Variants in PDZRN3 observed in about 807,000 individuals in gnomAD.
The protein encoded by PDZRN3 is E3 ubiquitin-protein ligase PDZRN3.
In PDZRN3, 38 loss-of-function variants were observed where a neutral mutation model predicts 85.7. That is an observed-to-expected ratio of 0.44 (90% CI 0.34 to 0.58). The LOEUF (loss-of-function observed/expected upper bound fraction) is 0.58, where lower values mean the gene tolerates loss of function less well. PDZRN3 is among the 20% of genes least tolerant of loss of function. PDZRN3 has a pLI of 0.01. For synonymous variants in PDZRN3, 759 were observed against 638.0 expected (o/e 1.19, Z -2.86); for missense variants, 1,629 against 1,506.4 (o/e 1.08, Z -1.35).
At position 73,387,534 on chromosome 3, in the gene PDZRN3, ATATCAGTT is replaced by A. The variant is rs564745286; in HGVS notation, c.1518+426_1518+433del. Reference sequence around the variant, plus strand: ...AGGGCCTAGCACTTATTCGGTGGTCATATCAGTTTTAATTATTTATCATTCAATGTTTC... The same window carrying A: ...AGGGCCTAGCACTTATTCGGTGGTCATTAATTATTTATCATTCAATGTTTC... On this transcript the variant is annotated intron_variant, in intron 8 of 9. Coordinates refer to ENST00000263666, the MANE Select transcript of PDZRN3 (RefSeq NM_015009.3). Among the ~76,000 whole-genome samples the A allele has an allele frequency of 1.0e-3, 155 of 152,312 alleles. 2 individuals are homozygous for A. The highest frequency in any genetic ancestry group is 3.4e-3 in the African/African-American group (143 of 41,576).
At chr3:73,444,457 C>A (rs1195550423) in intron 3 of PDZRN3, among the ~76,000 whole-genome samples, 1 of 152,154 alleles carries the variant, frequency 6.6e-6, no homozygotes, top group African/African-American at 2.4e-5. Context: ...AGGAAAGCAA[C>A]AAGTTCTTGA....
At chr3:73,484,344 G>A (rs1291803658) in intron 3 of PDZRN3, among the ~76,000 whole-genome samples, 2 of 152,184 alleles carry the variant, frequency 1.3e-5, no homozygotes, top group Non-Finnish European at 2.9e-5. Flanking sequence ...GGTGATTTGG[G>A]AGTTGCCAAA....
At chr3:73,608,982 T>A (rs1702644111) in intron 1 of PDZRN3, among the ~76,000 whole-genome samples, 1 of 152,158 alleles carries the variant, frequency 6.6e-6, no homozygotes, top group Non-Finnish European at 1.5e-5. Context: ...GGTCTGCAAA[T>A]GCATCTTTCT....
At chr3:73,440,176 C>G (rs1702607286) in intron 3 of PDZRN3, among the ~76,000 whole-genome samples, 1 of 152,068 alleles carries the variant, frequency 6.6e-6, no homozygotes, top group South Asian at 2.1e-4. Flanking sequence ...CTCACTGTTT[C>G]ACTTGAAGTA....
Position 73,383,987 on chromosome 3 carries a change from A to T in PDZRN3, c.2579T>A (p.Leu860Gln), listed in dbSNP as rs1703333186. 2 of 1,591,142 alleles carry T rather than the reference A, an allele frequency of 1.3e-6. No individual in the cohort carries two copies. Among genetic ancestry groups the T allele is most frequent in the Non-Finnish European group, 8.5e-7 (1 of 1,170,598 alleles). Residue 860 changes from leucine (L) to glutamine (Q), a missense_variant, in exon 10 of 10, where the codon CTG becomes CAG. Coordinates refer to ENST00000263666, the MANE Select transcript of PDZRN3 (RefSeq NM_015009.3). ...GTATGGGGAGTGGTGATAGGAGGGC[A>T]GGTAGGCGCTGCCCAGCTTCTGGCT... ...TPSQKLGSAY[L>Q]PSYHHSPYKH...
At chr3:73,544,403 A>G (rs1233414253) in intron 3 of PDZRN3, among the ~76,000 whole-genome samples, 1 of 151,604 alleles carries the variant, frequency 6.6e-6, no homozygotes, top group South Asian at 2.1e-4. Flanking sequence ...TTTTTTTCCT[A>G]TTAAGCCTTT....
chr3:73,542,332 G>A (rs915433306), intron 3 of PDZRN3, among the ~76,000 whole-genome samples: 5 of 152,144 alleles, frequency 3.3e-5, no homozygotes, highest in Admixed American at 6.5e-5. Flanking sequence ...CATGAGCAAC[G>A]GCCCCACAAT....
intron 3 of PDZRN3, among the ~76,000 whole-genome samples, chr3:73,602,029 G>A (rs1226520811): frequency 1.3e-5 from 2 of 152,094 alleles, no homozygotes; most frequent in African/African-American, 4.8e-5. Flanking sequence ...TGTACAACAG[G>A]GTTCGTTCAT....
intron 3 of PDZRN3, among the ~76,000 whole-genome samples, chr3:73,547,179 C>T (rs1701446383): frequency 6.6e-6 from 1 of 152,226 alleles, no homozygotes; most frequent in Non-Finnish European, 1.5e-5. Context: ...AAATACCCCA[C>T]AACCTCTCCC....
At chr3:73,392,366 T>G (rs550154826) in intron 5 of PDZRN3, among the ~76,000 whole-genome samples, 1 of 152,362 alleles carries the variant, frequency 6.6e-6, no homozygotes, top group African/African-American at 2.4e-5. Flanking sequence ...TGCCATGATC[T>G]TAACGACTTT....
At chr3:73,610,847 T>C (rs1353888343) in intron 1 of PDZRN3, among the ~76,000 whole-genome samples, 1 of 152,234 alleles carries the variant, frequency 6.6e-6, no homozygotes, top group African/African-American at 2.4e-5. Context: ...CTTATTACAT[T>C]GCATTGACAA....
chr3:73,416,197 G>A (rs996584614), intron 3 of PDZRN3, among the ~76,000 whole-genome samples: 10 of 152,008 alleles, frequency 6.6e-5, no homozygotes, highest in African/African-American at 4.8e-5. Flanking sequence ...CACCGTAAGC[G>A]CTCCAGAAAG....
At position 73,404,315 on chromosome 3, in the gene PDZRN3, C is replaced by T. The variant is rs1248082210; in HGVS notation, c.999G>A (p.Val333=). 1.2e-6 allele frequency: 2 copies of T among 1,614,018 alleles called. No individual in the cohort carries two copies. Among genetic ancestry groups the T allele is most frequent in the African/African-American group, 2.7e-5 (2 of 74,922 alleles). Residue 333 remains valine (V), a synonymous_variant, in exon 4 of 10, where the codon GTG becomes GTA. Transcript: ENST00000263666. ...AFKTAKEPIV[V]QVLRRTPRTK... is the part of the protein sequence containing the mutation. ...TCCTTGGTGTTCTTCTCAACACCTG[C>T]ACCACTATGGGCTCCTTGGCTGTCT...
intron 3 of PDZRN3, among the ~76,000 whole-genome samples, chr3:73,591,866 T>C (rs1702361673): frequency 6.6e-6 from 1 of 152,156 alleles, no homozygotes; most frequent in African/African-American, 2.4e-5. Flanking sequence ...TCTAATTAAC[T>C]TGGTGTTATT....
chr3:73,397,857 G>GTACTC (rs1651327870), intron 5 of PDZRN3, among the ~76,000 whole-genome samples: 1 of 152,256 alleles, frequency 6.6e-6, no homozygotes, highest in Admixed American at 6.5e-5. Flanking sequence ...TGGACTCAGA[G>GTACTC]TACTCTAGGG....
At chr3:73,619,911 C>A (rs985189705) in intron 1 of PDZRN3, among the ~76,000 whole-genome samples, 1 of 152,194 alleles carries the variant, frequency 6.6e-6, no homozygotes. Flanking sequence ...ATGGTCCAGG[C>A]AAGAGTGTCT....
chr3:73,438,857 C>A (rs1001356572), intron 3 of PDZRN3, among the ~76,000 whole-genome samples: 7 of 152,226 alleles, frequency 4.6e-5, no homozygotes, highest in Admixed American at 1.3e-4. Flanking sequence ...CTTAGTCTGC[C>A]CAGCCTCATC....
At chr3:73,548,503 G>A (rs1701481258) in intron 3 of PDZRN3, among the ~76,000 whole-genome samples, 1 of 152,170 alleles carries the variant, frequency 6.6e-6, no homozygotes, top group African/African-American at 2.4e-5. Context: ...CTGGAGCTTC[G>A]ACTGTCTTGC....
intron 3 of PDZRN3, among the ~76,000 whole-genome samples, chr3:73,574,642 A>T (rs905276100): frequency 6.6e-6 from 1 of 152,206 alleles, no homozygotes; most frequent in African/African-American, 2.4e-5. Flanking sequence ...TACTTTTAGT[A>T]GAGATGGGGT....
Sources: gnomAD v4.1 joint callset for allele counts (sites outside exome capture counted in the v4.1 genomes callset) on GRCh38, gnomAD v4.1.1 for gene constraint, MANE v1.5 for transcripts, NCBI Gene and HGNC (gene_info 2026-07-23, HGNC 2026-07-21) for gene names.